The following AKAP9 variants were observed in gnomAD, a reference collection of about 807,000 sequenced individuals.
The protein encoded by AKAP9 is A-kinase anchoring protein 9, also known as A-kinase anchor protein 9.
Under a neutral mutation model 488.5 loss-of-function variants are expected in AKAP9, and 311 were observed. The ratio of observed to expected loss-of-function variants is 0.64; its 90% CI spans 0.58 to 0.70. AKAP9 has a LOEUF of 0.70. Ranked by LOEUF, AKAP9 falls within the 30% of genes least tolerant of loss-of-function variation. The pLI is 0.00. For synonymous variants in AKAP9, 1,462 were observed against 1,483.5 expected (o/e 0.99, Z 0.33); for missense variants, 4,215 against 4,374.5 (o/e 0.96, Z 1.03).
At chr7:91,973,546 C>G in intron 1 of AKAP9, 165 bp from the exon 2 acceptor site, 1 of 727,170 alleles carries the variant, frequency 1.4e-6, no homozygotes, top group South Asian at 1.9e-5. Flanking sequence ...TGTTTCTTTG[C>G]ATTCCAGTAG....
intron 16 of AKAP9, among the ~76,000 whole-genome samples, chr7:92,035,772 T>C (rs1289856104): frequency 6.6e-6 from 1 of 152,204 alleles, no homozygotes; most frequent in East Asian, 1.9e-4. Flanking sequence ...TGTATTGTGC[T>C]CAGAGTTTTT....
intron 1 of AKAP9, among the ~76,000 whole-genome samples, chr7:91,950,715 C>T (rs972631191): frequency 2.0e-5 from 3 of 152,060 alleles, no homozygotes; most frequent in East Asian, 1.9e-4. Context: ...ATTCTTACGC[C>T]GTTTATATCC....
chr7:91,992,595 C>T (rs764122495), intron 4 of AKAP9, among the ~76,000 whole-genome samples: 20 of 136,576 alleles, frequency 1.5e-4, no homozygotes, highest in Admixed American at 5.8e-4. Context: ...ACCCGGGAGG[C>T]GGAGGTTGCA....
chr7:91,981,517 C>T (rs1796400013), intron 3 of AKAP9, among the ~76,000 whole-genome samples: 1 of 151,438 alleles, frequency 6.6e-6, no homozygotes, highest in African/African-American at 2.4e-5. Flanking sequence ...GTTCCTAAAG[C>T]TAATTCACTT....
At chr7:92,058,690 A>C (rs1004377827) in intron 22 of AKAP9, among the ~76,000 whole-genome samples, 3 of 152,058 alleles carry the variant, frequency 2.0e-5, no homozygotes, top group Non-Finnish European at 2.9e-5. Context: ...TATGTTTATC[A>C]TGCCAATCCT....
chr7:92,031,790 G>T (rs1205440599), intron 16 of AKAP9, among the ~76,000 whole-genome samples, 186 bp downstream of exon 16: 2 of 152,154 alleles, frequency 1.3e-5, no homozygotes, highest in African/African-American at 2.4e-5. Flanking sequence ...TATTTGAGAA[G>T]AGCATTGTTC....
Position 92,026,624 on chromosome 7 carries a change from C to T in AKAP9, c.4149-3271C>T, listed in dbSNP as rs375974460. Among the ~76,000 whole-genome samples the T allele has an allele frequency of 6.6e-5, 10 of 152,346 alleles. No homozygotes were observed. In the East Asian group the frequency reaches 1.9e-3, roughly 29 times the overall value. On this transcript the variant is annotated intron_variant, in intron 14 of 49. Transcript: ENST00000356239. ...TGCTGGGATTGCAGACGGAGTCTCGCTCACTCAGTGCTCAATGTTGCCCAG... is the reference window on the plus strand; with the variant it reads ...TGCTGGGATTGCAGACGGAGTCTCGTTCACTCAGTGCTCAATGTTGCCCAG...
At chr7:91,967,284 C>T (rs550426836) in intron 1 of AKAP9, among the ~76,000 whole-genome samples, 1 of 152,158 alleles carries the variant, frequency 6.6e-6, no homozygotes, top group Admixed American at 6.5e-5. Context: ...TGACCTTTTC[C>T]TTTCCAATTT....
At chr7:92,094,583 C>T (rs971783364) in intron 39 of AKAP9, among the ~76,000 whole-genome samples, 13 of 152,056 alleles carry the variant, frequency 8.5e-5, no homozygotes, top group Admixed American at 3.9e-4. Context: ...GCCTGTAATC[C>T]GAGCACTTTG....
chr7:92,109,212 A>T (rs1584611675), intron 49 of AKAP9, among the ~76,000 whole-genome samples: 1 of 152,132 alleles, frequency 6.6e-6, no homozygotes, highest in African/African-American at 2.4e-5. Flanking sequence ...TGTAAGGATT[A>T]TTTTTTCTTT....
intron 7 of AKAP9, among the ~76,000 whole-genome samples, chr7:91,999,505 A>G (rs1798865907): frequency 6.6e-6 from 1 of 152,238 alleles, no homozygotes; most frequent in African/African-American, 2.4e-5. Context: ...AAATATTTCA[A>G]GTTCATTGGA....
intron 14 of AKAP9, among the ~76,000 whole-genome samples, chr7:92,024,536 C>T (rs1160718949): frequency 2.0e-5 from 3 of 151,412 alleles, no homozygotes; most frequent in Non-Finnish European, 2.9e-5. Context: ...TGGTGAAAGA[C>T]TTTAAGCTTT....
rs914426639 is a variant in AKAP9 at position 92,042,204 on chromosome 7, C to A, written c.5058+18C>A. 2.2e-5 allele frequency: 35 copies of A among 1,613,332 alleles called. No homozygotes were observed. In the Middle Eastern group the frequency reaches 4.9e-4, roughly 23 times the overall value. On this transcript the variant is annotated intron_variant, in intron 19 of 49. Coordinates refer to ENST00000356239, the MANE Select transcript of AKAP9 (RefSeq NM_005751.5). ...AAACACAGGTAGTATGGACTTTGCCCCACCTAGGAGCAATGGATCACCAAT... is the reference window on the plus strand; with the variant it reads ...AAACACAGGTAGTATGGACTTTGCCACACCTAGGAGCAATGGATCACCAAT...
chr7:91,968,119 G>A (rs1403329624), intron 1 of AKAP9, among the ~76,000 whole-genome samples: 1 of 152,088 alleles, frequency 6.6e-6, no homozygotes, highest in Admixed American at 6.5e-5. Flanking sequence ...TTGTATTTTG[G>A]TAGAGACGAG....
Position 91,994,790 on chromosome 7 carries a change from A to G in AKAP9, c.732+14A>G. 1 of 1,596,812 alleles carries G rather than the reference A, an allele frequency of 6.3e-7. No individual in the cohort carries two copies. The highest frequency in any genetic ancestry group is 8.6e-7 in the Non-Finnish European group (1 of 1,169,098). On this transcript the variant is annotated intron_variant, in intron 6 of 49. Coordinates refer to ENST00000356239, the MANE Select transcript of AKAP9 (RefSeq NM_005751.5). ...CAATTTCAGCAAGTAAGTATTACTA[A>G]TGCAACAAAATTCATTATTTTTTTA...
intron 3 of AKAP9, among the ~76,000 whole-genome samples, chr7:91,987,777 C>G (rs10488509): frequency 0.22 from 33,813 of 152,048 alleles, 4,556 homozygotes; most frequent in Non-Finnish European, 0.31. Flanking sequence ...GCAGAAAAAT[C>G]ATCAGTGGAC....
At chr7:91,952,906 A>G (rs768229094) in intron 1 of AKAP9, among the ~76,000 whole-genome samples, 1 of 152,096 alleles carries the variant, frequency 6.6e-6, no homozygotes, top group African/African-American at 2.4e-5. Flanking sequence ...TGCAGCCTTG[A>G]ACTCCCAGGC....
chr7:91,949,540 A>G (rs1791928885), intron 1 of AKAP9, among the ~76,000 whole-genome samples: 2 of 152,228 alleles, frequency 1.3e-5, no homozygotes, highest in South Asian at 4.1e-4. Context: ...CTGTCATTTT[A>G]AACATGGGGG....
chr7:92,061,594 A>ATATATG (rs1293422513), intron 23 of AKAP9, among the ~76,000 whole-genome samples, 172 bp downstream of exon 23: 3 of 130,768 alleles, frequency 2.3e-5, no homozygotes, highest in African/African-American at 9.7e-5. Context: ...CTATATATAT[A>ATATATG]TATATATATA....
Sources: allele counts gnomAD v4.1 joint callset (sites outside exome capture counted in the v4.1 genomes callset), GRCh38; gene constraint gnomAD v4.1.1; transcripts MANE v1.5; gene names NCBI Gene and HGNC (gene_info 2026-07-23, HGNC 2026-07-21).